Variants in PTK7 observed in about 807,000 individuals in gnomAD.
The protein encoded by PTK7 is inactive tyrosine-protein kinase 7.
Under a neutral mutation model 116.6 loss-of-function variants are expected in PTK7, and 39 were observed. That is an observed-to-expected ratio of 0.33 (90% CI 0.26 to 0.44). The LOEUF is 0.44. Among genes scored for constraint, PTK7 ranks in the 20% least tolerant of loss-of-function variants. The probability of loss-of-function intolerance (pLI) is 1.00; values close to 1 mark genes in which losing one functional copy is unlikely to be tolerated. For synonymous variants in PTK7, 546 were observed against 563.6 expected (o/e 0.97, Z 0.44); for missense variants, 1,169 against 1,425.6 (o/e 0.82, Z 2.90).
chr6:43,147,371 G>A (rs1770786146), intron 17 of PTK7, among the ~76,000 whole-genome samples: 1 of 152,228 alleles, frequency 6.6e-6, no homozygotes, highest in African/African-American at 2.4e-5. Context: ...TACCTTTCCA[G>A]TGCCTGGGGC....
intron 1 of PTK7, among the ~76,000 whole-genome samples, chr6:43,122,755 C>T (rs774593159): frequency 6.6e-6 from 1 of 152,028 alleles, no homozygotes; most frequent in Non-Finnish European, 1.5e-5. Flanking sequence ...TATAGGCACG[C>T]GCCACCATGC....
chr6:43,139,606 C>A lies in PTK7; in HGVS notation c.1618+81C>A. Reference sequence around the variant, plus strand: ...CATACCTGAGGGCTGCTGGGTGCCCCGCACTGTGCCAGGAAATGTGGAGAT... The same window carrying A: ...CATACCTGAGGGCTGCTGGGTGCCCAGCACTGTGCCAGGAAATGTGGAGAT... On this transcript the variant is annotated intron_variant, in intron 10 of 19. Coordinates refer to ENST00000230419, the MANE Select transcript of PTK7 (RefSeq NM_002821.5). This position sits in a 1 kb window ranked among gnomAD's most constrained non-coding sequence, Gnocchi z 4.6. 1.3e-6 allele frequency: 2 copies of A among 1,571,414 alleles called. No homozygotes were observed.
chr6:43,076,994 T>A lies in PTK7; in HGVS notation c.79+427T>A, dbSNP rs1394753347. On this transcript the variant is annotated intron_variant, in intron 1 of 19. Transcript: ENST00000230419. The surrounding 1 kb of genome is among the most constrained non-coding windows in gnomAD (Gnocchi z 5.7). Reference sequence around the variant, plus strand: ...CCGGCAGGGTCGGCCCAGGTAAGAGTTGCTGGTTTGGGGCCCGATGCCGGA... The same window carrying A: ...CCGGCAGGGTCGGCCCAGGTAAGAGATGCTGGTTTGGGGCCCGATGCCGGA... The A allele has an allele frequency of 4.8e-6, 7 of 1,466,746 alleles. No homozygotes were observed. The East Asian group carries it at 1.8e-4, about 39-fold the overall frequency. 90.9% of individuals were successfully genotyped at this position (1,466,746 alleles called of 1,614,324 possible).
chr6:43,130,112 T>G (rs892971263), intron 3 of PTK7, 118 bp from the exon 4 acceptor site: 50 of 1,116,012 alleles, frequency 4.5e-5, no homozygotes, highest in Non-Finnish European at 7.7e-6. Context: ...CTTCCCTTCC[T>G]CAGGCCGTTT....
At chr6:43,099,350 A>G (rs1037832800) in intron 1 of PTK7, among the ~76,000 whole-genome samples, 7 of 151,518 alleles carry the variant, frequency 4.6e-5, no homozygotes, top group African/African-American at 7.3e-5. Context: ...CTCCCACCTC[A>G]GCCTCCTGAG....
chr6:43,160,895 T>G lies in PTK7; in HGVS notation c.*14T>G. 6.2e-7 allele frequency: 1 copy of G among 1,612,852 alleles called. No individual in the cohort carries two copies. The highest frequency in any genetic ancestry group is 8.5e-7 in the Non-Finnish European group (1 of 1,179,718). ...AGCAAGCCGTGAGGAGGGAGCCCGC[T>G]CAGGATGGCCTGGGCAGGGGAGGAC... is the stretch of plus-strand genomic sequence containing the variant. On this transcript the variant is annotated 3_prime_UTR_variant, in exon 20 of 20. Transcript: ENST00000230419.
chr6:43,114,463 G>C (rs991222324), intron 1 of PTK7, among the ~76,000 whole-genome samples: 1 of 151,314 alleles, frequency 6.6e-6, no homozygotes, highest in Non-Finnish European at 1.5e-5. Context: ...TCTCTCTCCT[G>C]TCTGTCTCTG....
intron 1 of PTK7, among the ~76,000 whole-genome samples, chr6:43,099,318 G>C (rs920535537): frequency 1.3e-5 from 2 of 149,444 alleles, no homozygotes; most frequent in Admixed American, 1.3e-4. Context: ...TTGCAGCCTC[G>C]ACTTCCCAGA....
At chr6:43,089,205 T>C (rs1766816702) in intron 1 of PTK7, among the ~76,000 whole-genome samples, 1 of 152,194 alleles carries the variant, frequency 6.6e-6, no homozygotes, top group African/African-American at 2.4e-5. Flanking sequence ...TATCTCTCTT[T>C]GGCTGAACCG....
rs148083373 is a variant in PTK7 at position 43,086,983 on chromosome 6, C to T, written c.79+10416C>T. On this transcript the variant is annotated intron_variant, in intron 1 of 19. Transcript: ENST00000230419. ...GCACAACCTGTACAGTCAAAGGTGG[C>T]TGTTCCATTGGCATGAAGGCCTTGC... is the stretch of plus-strand genomic sequence containing the variant. Among the ~76,000 whole-genome samples the T allele has an allele frequency of 3.7e-4, 56 of 152,370 alleles. 1 individual carries two copies. The East Asian group carries it at 9.8e-3, about 27-fold the overall frequency.
chr6:43,121,802 C>T (rs933318277), intron 1 of PTK7, among the ~76,000 whole-genome samples: 1 of 152,192 alleles, frequency 6.6e-6, no homozygotes, highest in East Asian at 1.9e-4. Context: ...TTACTGTTCA[C>T]TCAAATGAGT....
At chr6:43,134,980 GA>G (rs1228562991) in intron 7 of PTK7, among the ~76,000 whole-genome samples, 2 of 151,708 alleles carry the variant, frequency 1.3e-5, no homozygotes, top group Admixed American at 6.6e-5. Flanking sequence ...CTGGAGCCTT[GA>G]AAAAAAGAAA....
chr6:43,146,525 C>A, intron 16 of PTK7, 93 bp from the exon 17 acceptor site: 1 of 1,231,074 alleles, frequency 8.1e-7, no homozygotes, highest in Non-Finnish European at 1.2e-6. Context: ...ACTGCCTCCC[C>A]AGGCAGGAAT....
At chr6:43,094,963 T>G (rs1174073330) in intron 1 of PTK7, among the ~76,000 whole-genome samples, 2 of 151,656 alleles carry the variant, frequency 1.3e-5, no homozygotes, top group Non-Finnish European at 2.9e-5. Flanking sequence ...GAGAATTGCT[T>G]GAACCGGGAG....
At chr6:43,085,357 T>TC (rs1212884448) in intron 1 of PTK7, among the ~76,000 whole-genome samples, 1 of 152,030 alleles carries the variant, frequency 6.6e-6, no homozygotes, top group African/African-American at 2.4e-5. Flanking sequence ...CGCGCCATTC[T>TC]CCTCCCTCAG....
Position 43,141,693 on chromosome 6 carries a change from G to A in PTK7, c.1644G>A (p.Val548=), listed in dbSNP as rs939275149. Residue 548 remains valine, a synonymous_variant, in exon 11 of 20, where the codon GTG becomes GTA. Transcript: ENST00000230419. This position sits in a 1 kb window ranked among gnomAD's most constrained non-coding sequence, Gnocchi z 4.9. ...RADGSSLPEW[V]TDNAGTLHFA... is the part of the protein sequence containing the mutation. The stretch of plus-strand genomic sequence containing the variant: ...ATGGGAGCAGCCTCCCAGAGTGGGT[G>A]ACAGACAACGCTGGGACCCTGCATT... The A allele has an allele frequency of 1.2e-6, 2 of 1,614,026 alleles. No individual in the cohort carries two copies. Among genetic ancestry groups the A allele is most frequent in the African/African-American group, 2.7e-5 (2 of 74,916 alleles).
At chr6:43,086,857 A>C (rs188661167) in intron 1 of PTK7, among the ~76,000 whole-genome samples, 145 of 152,252 alleles carry the variant, frequency 9.5e-4, no homozygotes, top group South Asian at 5.8e-3. Flanking sequence ...AAAAACAAAA[A>C]AACAACAACA....
intron 1 of PTK7, among the ~76,000 whole-genome samples, chr6:43,111,714 A>G (rs1048613471): frequency 1.3e-5 from 2 of 151,870 alleles, no homozygotes; most frequent in Non-Finnish European, 2.9e-5. Context: ...ACAGGCTGGG[A>G]TGCAGTGGCA....
chr6:43,118,659 C>CTCTCTA (rs1212636673), intron 1 of PTK7, among the ~76,000 whole-genome samples: 20 of 53,012 alleles, frequency 3.8e-4, no homozygotes, highest in Non-Finnish European at 5.9e-4. Context: ...CTCTCTCTCT[C>CTCTCTA]TATATATATA....
Sources: allele counts gnomAD v4.1 joint callset (sites outside exome capture counted in the v4.1 genomes callset), GRCh38; gene constraint gnomAD v4.1.1; non-coding constraint Gnocchi (gnomAD v3.1); transcripts MANE v1.5; gene names NCBI Gene and HGNC (gene_info 2026-07-23, HGNC 2026-07-21).